The following DERA variants were observed in gnomAD, a reference collection of about 807,000 sequenced individuals.
DERA encodes deoxyribose-phosphate aldolase.
A neutral mutation model predicts 41.1 loss-of-function variants in DERA; 15 were observed. That is an observed-to-expected ratio of 0.37 (90% confidence interval 0.24 to 0.56). The LOEUF is 0.56. Among genes scored for constraint, DERA ranks in the 20% least tolerant of loss-of-function variants. DERA has a pLI of 0.81. For synonymous variants in DERA, 139 were observed against 137.4 expected (o/e 1.01, Z -0.08); for missense variants, 396 against 403.4 (o/e 0.98, Z 0.16).
In DERA at chr12:15,990,443, T is replaced by TTTTGTTTTGTTTTGTTTTGTTTTGTTTTG. The variant is rs1340424796; in HGVS notation, c.637+8010_637+8011insGTTTTGTTTTGTTTTGTTTTGTTTTGTTT. ...CCATGTTCTTTTTTGTTTTGTTTTG[T>TTTTGTTTTGTTTTGTTTTGTTTTGTTTTG]TTTTAGTTTTATTTTTAACTTTTAA... On this transcript the variant is annotated intron_variant, in intron 6 of 8. Transcript: ENST00000428559. The surrounding 1 kb of genome is among the most constrained non-coding windows in gnomAD (Gnocchi z 4.3). Among the ~76,000 whole-genome samples the TTTTGTTTTGTTTTGTTTTGTTTTGTTTTG allele has an allele frequency of 1.2e-4, 18 of 152,196 alleles. No homozygotes were observed. Among genetic ancestry groups the TTTTGTTTTGTTTTGTTTTGTTTTGTTTTG allele is most frequent in the Non-Finnish European group, 2.6e-4 (18 of 68,040 alleles).
intron 1 of DERA, among the ~76,000 whole-genome samples, chr12:15,917,461 T>G (rs1032989445): frequency 6.6e-6 from 1 of 152,232 alleles, no homozygotes; most frequent in African/African-American, 2.4e-5. Context: ...ATACATATGT[T>G]ACTTTAGATT....
chr12:15,925,500 T>C (rs952725155), intron 1 of DERA, among the ~76,000 whole-genome samples: 4 of 152,200 alleles, frequency 2.6e-5, no homozygotes, highest in Non-Finnish European at 5.9e-5. Context: ...AAAAAAGATG[T>C]TTAAAACTTG....
chr12:15,911,427 C>T lies in DERA; in HGVS notation c.31+13C>T, dbSNP rs772948944. On this transcript the variant is annotated intron_variant, in intron 1 of 8. Coordinates refer to ENST00000428559, the MANE Select transcript of DERA (RefSeq NM_015954.4). This position sits in a 1 kb window ranked among gnomAD's most constrained non-coding sequence, Gnocchi z 4.5. The stretch of plus-strand genomic sequence containing the variant: ...GGCACCGAGCTCGGTAAGGGGCCCG[C>T]GGGGCTCCCCATCCCCTCTCCCTCG... The T allele has an allele frequency of 3.6e-6, 5 of 1,408,312 alleles. No individual in the cohort carries two copies. The highest frequency in any genetic ancestry group is 4.5e-4 in the Middle Eastern group (2 of 4,426). The allele number at this position is 1,408,312 out of a possible 1,614,324, so 87.2% of individuals were successfully genotyped here.
intron 4 of DERA, among the ~76,000 whole-genome samples, chr12:15,961,438 G>T (rs538955368): frequency 3.3e-5 from 5 of 152,230 alleles, no homozygotes; most frequent in African/African-American, 4.8e-5. Flanking sequence ...ACTTTGGGGG[G>T]GCTCAGGCGA....
At position 15,921,194 on chromosome 12, in the gene DERA, A is replaced by G. The variant is rs1000435268; in HGVS notation, c.31+9780A>G. 6.6e-6 allele frequency among the ~76,000 whole-genome samples: 1 copy of G among 152,196 alleles called. No individual in the cohort carries two copies. The highest frequency in any genetic ancestry group is 2.4e-5 in the African/African-American group (1 of 41,454). On this transcript the variant is annotated intron_variant, in intron 1 of 8. Coordinates refer to ENST00000428559, the MANE Select transcript of DERA (RefSeq NM_015954.4). This position sits in a 1 kb window ranked among gnomAD's most constrained non-coding sequence, Gnocchi z 5.3. ...AAGTGAATGTGAAGGCATGTTGGAA[A>G]CATCGGGGTGACGTAGTGAAGTAAG...
At position 15,954,038 on chromosome 12, in the gene DERA, T is replaced by C. The variant is rs146868157; in HGVS notation, c.32-2898T>C. On this transcript the variant is annotated intron_variant, in intron 1 of 8. Coordinates refer to ENST00000428559, the MANE Select transcript of DERA (RefSeq NM_015954.4). The surrounding 1 kb of genome is among the most constrained non-coding windows in gnomAD (Gnocchi z 4.0). ...CCTATTACATTCTCCAGTAGATGGT[T>C]TGCAGGGACCTCTGGCAAGAGGTTT... Among the ~76,000 whole-genome samples, 1,242 of 152,310 alleles carry C rather than the reference T, an allele frequency of 8.2e-3. 8 individuals are homozygous for C. Among genetic ancestry groups the C allele is most frequent in the Middle Eastern group, 0.017 (5 of 294 alleles).
chr12:15,945,936 A>G (rs1021645803), intron 1 of DERA, among the ~76,000 whole-genome samples: 2 of 152,200 alleles, frequency 1.3e-5, no homozygotes, highest in Non-Finnish European at 1.5e-5. Flanking sequence ...AATTTTTAGC[A>G]AGAAGGGCTG....
intron 5 of DERA, among the ~76,000 whole-genome samples, chr12:15,969,875 A>G (rs182559540): frequency 6.6e-6 from 1 of 152,212 alleles, no homozygotes; most frequent in Non-Finnish European, 1.5e-5. Context: ...GAGGAATTAC[A>G]TAATCTATAA....
rs570909279 is a variant in DERA, at chr12:15,935,412, G to A, written c.32-21524G>A. 2.0e-5 allele frequency among the ~76,000 whole-genome samples: 3 copies of A among 152,180 alleles called. No individual in the cohort carries two copies. The highest frequency in any genetic ancestry group is 4.8e-5 in the African/African-American group (2 of 41,532). ...TGAGCTGGGAGGATTGCTTGAACCC[G>A]GGAGGTGGAAGTTGCAGTGAGCAAT... On this transcript the variant is annotated intron_variant, in intron 1 of 8. Transcript: ENST00000428559. This position sits in a 1 kb window ranked among gnomAD's most constrained non-coding sequence, Gnocchi z 4.8.
intron 1 of DERA, among the ~76,000 whole-genome samples, chr12:15,932,491 A>C (rs545964864): frequency 6.6e-6 from 1 of 152,190 alleles, no homozygotes; most frequent in Non-Finnish European, 1.5e-5. Context: ...CTCCATAAAA[A>C]ATACAAAAAT....
chr12:15,992,341 ATTTTAGT>A lies in DERA; in HGVS notation c.637+9907_637+9913del, dbSNP rs1349347868. Among the ~76,000 whole-genome samples, 1 of 152,132 alleles carries A rather than the reference ATTTTAGT, an allele frequency of 6.6e-6. No individual in the cohort carries two copies. The highest frequency in any genetic ancestry group is 1.5e-5 in the Non-Finnish European group (1 of 67,976). The stretch of plus-strand genomic sequence containing the variant: ...CATGTTATTTTAGAGGGCAACTCTT[ATTTTAGT>A]TGAACAAAAAGAGAGACAATTTATA... On this transcript the variant is annotated intron_variant, in intron 6 of 8. Transcript: ENST00000428559. The surrounding 1 kb of genome is among the most constrained non-coding windows in gnomAD (Gnocchi z 4.3).
At position 15,967,800 on chromosome 12, in the gene DERA, A is replaced by G. The variant is rs780051670; in HGVS notation, c.508+4853A>G. On this transcript the variant is annotated intron_variant, in intron 5 of 8. Coordinates refer to ENST00000428559, the MANE Select transcript of DERA (RefSeq NM_015954.4). The surrounding 1 kb of genome is among the most constrained non-coding windows in gnomAD (Gnocchi z 4.9). ...TGGACATGGAAACGTGGATAACTAC[A>G]TTTCTCACTTACCACCATAGTTTTA... is the stretch of plus-strand genomic sequence containing the variant. Among the ~76,000 whole-genome samples the G allele has an allele frequency of 6.6e-6, 1 of 152,186 alleles. No homozygotes were observed. The highest frequency in any genetic ancestry group is 1.5e-5 in the Non-Finnish European group (1 of 68,034).
chr12:16,033,515 C>G (rs1949106833), intron 7 of DERA, among the ~76,000 whole-genome samples: 2 of 150,696 alleles, frequency 1.3e-5, no homozygotes, highest in African/African-American at 4.9e-5. Flanking sequence ...CTTTTCATCT[C>G]AAGTTACTTG....
At chr12:16,033,804 G>T (rs1041299607) in intron 7 of DERA, among the ~76,000 whole-genome samples, 1 of 151,804 alleles carries the variant, frequency 6.6e-6, no homozygotes, top group Non-Finnish European at 1.5e-5. Flanking sequence ...TGTTTTATGA[G>T]AGGAAATAAA....
chr12:16,029,540 TAGTC>T (rs1343430762), intron 6 of DERA, among the ~76,000 whole-genome samples: 1 of 152,178 alleles, frequency 6.6e-6, no homozygotes, highest in Non-Finnish European at 1.5e-5. Context: ...CCTTCTTCAT[TAGTC>T]AGTTAAAGGT....
rs1254242967 is a variant in DERA, at chr12:15,935,849, G to C, written c.32-21087G>C. Among the ~76,000 whole-genome samples the C allele has an allele frequency of 6.6e-6, 1 of 152,164 alleles. No homozygotes were observed. The highest frequency in any genetic ancestry group is 2.4e-5 in the African/African-American group (1 of 41,434). On this transcript the variant is annotated intron_variant, in intron 1 of 8. Transcript: ENST00000428559. This position sits in a 1 kb window ranked among gnomAD's most constrained non-coding sequence, Gnocchi z 4.8. ...AGAATGGCTTAGCTGGGTGGTTCTG[G>C]CTTGGGGTCTCTCATGAGGTTGCAA...
rs564004309 is a variant in DERA at position 15,969,562 on chromosome 12, G to T, written c.508+6615G>T. On this transcript the variant is annotated intron_variant, in intron 5 of 8. Transcript: ENST00000428559. ...CATGTACTTTTCATCTCCTTCAATT[G>T]TTTACCCCTGAATTGCTCTCTTAAA... Among the ~76,000 whole-genome samples the T allele has an allele frequency of 4.5e-4, 68 of 152,264 alleles. No individual in the cohort carries two copies. The South Asian group carries it at 0.013, about 30-fold the overall frequency.
intron 6 of DERA, among the ~76,000 whole-genome samples, chr12:16,005,889 C>T (rs546058518): frequency 1.3e-5 from 2 of 152,278 alleles, no homozygotes; most frequent in South Asian, 4.2e-4. Context: ...TTACTATGAA[C>T]ACATAACTGT....
Position 15,911,337 on chromosome 12 carries a change from G to T in DERA, c.-47G>T. The T allele has an allele frequency of 2.1e-6, 3 of 1,438,430 alleles. No homozygotes were observed. Among genetic ancestry groups the T allele is most frequent in the Non-Finnish European group, 2.7e-6 (3 of 1,103,680 alleles). 89.1% of individuals were successfully genotyped at this position (1,438,430 alleles called of 1,614,324 possible). A position where few individuals can be genotyped will look rare whatever the true frequency, so the allele number is the denominator to read the frequency against. Reference sequence around the variant, plus strand: ...GGAAGGAGGAAGGGCCGGGCGCGGCGCAGAGGCGGGCGCCTACCAGCCGGC... The same window carrying T: ...GGAAGGAGGAAGGGCCGGGCGCGGCTCAGAGGCGGGCGCCTACCAGCCGGC... On this transcript the variant is annotated 5_prime_UTR_variant, in exon 1 of 9. Coordinates refer to ENST00000428559, the MANE Select transcript of DERA (RefSeq NM_015954.4). The surrounding 1 kb of genome is among the most constrained non-coding windows in gnomAD (Gnocchi z 4.5).
Sources: gnomAD v4.1 joint callset for allele counts (sites outside exome capture counted in the v4.1 genomes callset) on GRCh38, gnomAD v4.1.1 for gene constraint, Gnocchi (gnomAD v3.1) non-coding constraint, MANE v1.5 for transcripts, NCBI Gene and HGNC (gene_info 2026-07-23, HGNC 2026-07-21) for gene names.